The following PAPOLG variants were observed in gnomAD, a reference collection of about 807,000 sequenced individuals.
The protein encoded by PAPOLG is PAP-gamma.
Under a neutral mutation model 99.0 loss-of-function variants are expected in PAPOLG, and 40 were observed. That is an observed-to-expected ratio of 0.40 (90% CI 0.31 to 0.53). The LOEUF is 0.53. PAPOLG is among the 20% of genes least tolerant of loss of function. The pLI is 0.41. For synonymous variants in PAPOLG, 310 were observed against 299.3 expected (o/e 1.04, Z -0.37); for missense variants, 675 against 884.1 (o/e 0.76, Z 3.00).
chr2:60,770,416 G>A, intron 5 of PAPOLG, 42 bp from the exon 6 acceptor site: 1 of 1,512,186 alleles, frequency 6.6e-7, no homozygotes, highest in South Asian at 1.3e-5. Flanking sequence ...GGATAAAGAA[G>A]GGATTACACC....
At chr2:60,770,580 C>A in intron 6 of PAPOLG, 69 bp downstream of exon 6, 2 of 1,001,402 alleles carry the variant, frequency 2.0e-6, no homozygotes, top group Non-Finnish European at 2.9e-6. Flanking sequence ...TTTCTGAAAT[C>A]AGGCTTAACA....
chr2:60,764,183 A>G (rs1270669320), intron 3 of PAPOLG, among the ~76,000 whole-genome samples: 2 of 152,184 alleles, frequency 1.3e-5, no homozygotes, highest in African/African-American at 2.4e-5. Flanking sequence ...GAGGGAGAGA[A>G]TGTTCAACTG....
intron 1 of PAPOLG, 88 bp downstream of exon 1, chr2:60,756,583 C>A: frequency 7.2e-7 from 1 of 1,380,148 alleles, no homozygotes; most frequent in Non-Finnish European, 9.8e-7. Flanking sequence ...TTCCCTGTCC[C>A]TTGCGCCCTG....
rs199870926 is a variant in PAPOLG at position 60,771,275 on chromosome 2, A to AT, written c.493-235dup. Among the ~76,000 whole-genome samples the AT allele has an allele frequency of 2.2e-4, 33 of 151,510 alleles. No homozygotes were observed. The East Asian group carries it at 3.7e-3, about 17-fold the overall frequency. ...CTAGAAATTTGCTCATAAGGCTTTG[A>AT]TTTTTTTTTCTGCTTGGCATATATG... On this transcript the variant is annotated intron_variant, in intron 6 of 21. Coordinates refer to ENST00000238714, the MANE Select transcript of PAPOLG (RefSeq NM_022894.4).
At position 60,792,662 on chromosome 2, in the gene PAPOLG, C is replaced by T. The variant is rs866085230; in HGVS notation, c.1679+373C>T. Among the ~76,000 whole-genome samples the T allele has an allele frequency of 5.3e-5, 8 of 152,250 alleles. No homozygotes were observed. In the Middle Eastern group the frequency reaches 0.01, roughly 194 times the overall value. On this transcript the variant is annotated intron_variant, in intron 17 of 21. Coordinates refer to ENST00000238714, the MANE Select transcript of PAPOLG (RefSeq NM_022894.4). ...GTAATCCTAGCACTTTGAGAGGTCA[C>T]GGCAGGCGAACTGCTGGAGCCCAGG...
chr2:60,794,631 C>G, intron 19 of PAPOLG, 79 bp from the exon 20 acceptor site: 1 of 1,182,880 alleles, frequency 8.5e-7, no homozygotes, highest in East Asian at 2.4e-5. Flanking sequence ...TAACCAATAA[C>G]TAGTTTTCCA....
chr2:60,774,663 T>A (rs1670964725), intron 7 of PAPOLG, among the ~76,000 whole-genome samples: 1 of 152,198 alleles, frequency 6.6e-6, no homozygotes, highest in African/African-American at 2.4e-5. Flanking sequence ...TTATAGTGTC[T>A]TGTTTGACCG....
intron 15 of PAPOLG, among the ~76,000 whole-genome samples, chr2:60,787,955 T>G (rs1022665329): frequency 1.3e-5 from 2 of 151,306 alleles, no homozygotes; most frequent in African/African-American, 4.9e-5. Context: ...GGCAGGAAAA[T>G]TGCTTGAACC....
Position 60,798,631 on chromosome 2 carries a change from T to C in PAPOLG, c.*1471T>C, listed in dbSNP as rs1573265612. On this transcript the variant is annotated 3_prime_UTR_variant, in exon 22 of 22. Coordinates refer to ENST00000238714, the MANE Select transcript of PAPOLG (RefSeq NM_022894.4). Reference sequence around the variant, plus strand: ...GTCCAGTAGGAAAAACCCAAAATGGTACATTGAGTAGTGTGGGGAAGACAC... The same window carrying C: ...GTCCAGTAGGAAAAACCCAAAATGGCACATTGAGTAGTGTGGGGAAGACAC... 6.6e-6 allele frequency: 1 copy of C among 152,486 alleles called. No individual in the cohort carries two copies. Among genetic ancestry groups the C allele is most frequent in the African/African-American group, 2.4e-5 (1 of 41,574 alleles). 9.4% of individuals were successfully genotyped at this position (152,486 alleles called of 1,614,324 possible).
chr2:60,782,510 T>C, intron 11 of PAPOLG, 176 bp from the exon 12 acceptor site: 1 of 816,330 alleles, frequency 1.2e-6, no homozygotes, highest in Non-Finnish European at 1.5e-6. Flanking sequence ...TGAGCCGAGA[T>C]AGATCCACCA....
At chr2:60,774,281 G>A (rs1337787839) in intron 7 of PAPOLG, among the ~76,000 whole-genome samples, 1 of 151,574 alleles carries the variant, frequency 6.6e-6, no homozygotes, top group Admixed American at 6.6e-5. Context: ...ATGTTAACAC[G>A]GTGAAAAAAG....
At chr2:60,774,162 T>TCGGCTCACTGCAAACTC (rs1670941258) in intron 7 of PAPOLG, among the ~76,000 whole-genome samples, 1 of 152,018 alleles carries the variant, frequency 6.6e-6, no homozygotes, top group Non-Finnish European at 1.5e-5. Context: ...TGGCGCGATC[T>TCGGCTCACTGCAAACTC]CGGCTCACTG....
At chr2:60,777,569 T>C (rs1386741758) in intron 8 of PAPOLG, among the ~76,000 whole-genome samples, 1 of 152,252 alleles carries the variant, frequency 6.6e-6, no homozygotes, top group African/African-American at 2.4e-5. Context: ...TCCTTGGCAT[T>C]CACAGCTTGG....
rs1671794494 is a variant in PAPOLG, at chr2:60,799,260, A to C, written c.*2100A>C. ...ATTATGTAAATAGATCTTTGGAGTG[A>C]CTAGTGGAGTTTTTCTTTAATAAGG... On this transcript the variant is annotated 3_prime_UTR_variant, in exon 22 of 22. Transcript: ENST00000238714. 6.6e-6 allele frequency: 1 copy of C among 152,360 alleles called. No individual in the cohort carries two copies. The highest frequency in any genetic ancestry group is 2.4e-5 in the African/African-American group (1 of 41,458). The allele number at this position is 152,360 out of a possible 1,614,324, so 9.4% of individuals were successfully genotyped here.
chr2:60,764,477 C>T lies in PAPOLG; in HGVS notation c.246+2670C>T, dbSNP rs190636822. On this transcript the variant is annotated intron_variant, in intron 3 of 21. Transcript: ENST00000238714. ...TGTCACCCGGGCTGGAATGCAGTGGCGCGATCTCAGCTCACTGCAACCTCC... is the reference window on the plus strand; with the variant it reads ...TGTCACCCGGGCTGGAATGCAGTGGTGCGATCTCAGCTCACTGCAACCTCC... Among the ~76,000 whole-genome samples, 10 of 150,854 alleles carry T rather than the reference C, an allele frequency of 6.6e-5. No individual in the cohort carries two copies. The East Asian group carries it at 1.4e-3, about 21-fold the overall frequency.
At chr2:60,759,254 G>A (rs1218066653) in intron 1 of PAPOLG, among the ~76,000 whole-genome samples, 3 of 152,034 alleles carry the variant, frequency 2.0e-5, no homozygotes, top group South Asian at 2.1e-4. Context: ...TGTAATCCCA[G>A]CTACTTGGGA....
At chr2:60,787,461 T>C in intron 14 of PAPOLG, 50 bp from the exon 15 acceptor site, 3 of 1,545,484 alleles carry the variant, frequency 1.9e-6, no homozygotes, top group East Asian at 2.4e-5. Flanking sequence ...ATCTGTAAAG[T>C]TGTAAAAAAT....
chr2:60,778,994 G>A (rs1349683570), intron 8 of PAPOLG, among the ~76,000 whole-genome samples: 1 of 151,932 alleles, frequency 6.6e-6, no homozygotes, highest in Non-Finnish European at 1.5e-5. Context: ...AGGCTGAGGT[G>A]GAGGATCAGT....
At position 60,779,693 on chromosome 2, in the gene PAPOLG, C is replaced by T; in HGVS notation, c.751C>T (p.Leu251=). 1 of 1,613,746 alleles carries T rather than the reference C, an allele frequency of 6.2e-7. No individual in the cohort carries two copies. The highest frequency in any genetic ancestry group is 8.5e-7 in the Non-Finnish European group (1 of 1,179,694). Residue 251 remains leucine, a synonymous_variant, in exon 9 of 22, where the codon CTA becomes TTA. Coordinates refer to ENST00000238714, the MANE Select transcript of PAPOLG (RefSeq NM_022894.4). ...GFLGGVSWAM[L]VARTCQLYPN... ...CCTTGGTGGTGTCTCCTGGGCAATGCTAGTTGCAAGAACTTGCCAATTGTA... is the reference window on the plus strand; with the variant it reads ...CCTTGGTGGTGTCTCCTGGGCAATGTTAGTTGCAAGAACTTGCCAATTGTA...
Sources: gnomAD v4.1 joint callset for allele counts (sites outside exome capture counted in the v4.1 genomes callset) on GRCh38, gnomAD v4.1.1 for gene constraint, MANE v1.5 for transcripts, NCBI Gene and HGNC (gene_info 2026-07-23, HGNC 2026-07-21) for gene names.